The following TASOR2 variants were observed in gnomAD, a reference collection of about 807,000 sequenced individuals.
TASOR2 encodes the protein protein TASOR 2.
In TASOR2, 84 loss-of-function variants were observed where a neutral mutation model predicts 199.5. That is an observed-to-expected ratio of 0.42 (90% CI 0.35 to 0.50). The LOEUF is 0.50. Among genes scored for constraint, TASOR2 ranks in the 20% least tolerant of loss-of-function variants. TASOR2 has a pLI of 0.02. For synonymous variants in TASOR2, 1,103 were observed against 1,046.6 expected, an observed-to-expected ratio of 1.05 and a Z score of -1.04; for missense variants, 2,796 against 2,835.9, an observed-to-expected ratio of 0.99 and a Z score of 0.32.
Position 5,754,847 on chromosome 10 carries a change from T to G in TASOR2, c.6607-1766T>G, listed in dbSNP as rs1173661746. Among the ~76,000 whole-genome samples, 2 of 150,844 alleles carry G rather than the reference T, an allele frequency of 1.3e-5. No individual in the cohort carries two copies. The highest frequency in any genetic ancestry group is 2.4e-5 in the African/African-American group (1 of 41,022). On this transcript the variant is annotated intron_variant, in intron 15 of 20. Transcript: ENST00000328090. This position sits in a 1 kb window ranked among gnomAD's most constrained non-coding sequence, Gnocchi z 4.3. ...TCACAAGGTCAGGAGATTGAGACCT[T>G]CCTGGCTAACACCGTGAAACCCCAT... is the stretch of plus-strand genomic sequence containing the variant.
intron 1 of TASOR2, chr10:5,692,930 AG>A (rs1836637774): frequency 1.3e-5 from 2 of 152,168 alleles, no homozygotes; most frequent in East Asian, 3.9e-4. Flanking sequence ...TGAGTCGGGG[AG>A]GGGCCTAGGT....
At chr10:5,702,410 T>A (rs939498907) in intron 1 of TASOR2, among the ~76,000 whole-genome samples, 11 of 152,154 alleles carry the variant, frequency 7.2e-5, no homozygotes, top group African/African-American at 2.4e-4. Flanking sequence ...CCTGTAGTTT[T>A]CTCTTCATTG....
chr10:5,749,125 G>T, exon 15 of TASOR2: 1 of 1,614,060 alleles, frequency 6.2e-7, no homozygotes, highest in Non-Finnish European at 8.5e-7. Flanking sequence ...GACTGCTGCG[G>T]TAAAGAAAGA....
intron 16 of TASOR2, among the ~76,000 whole-genome samples, chr10:5,757,268 C>T (rs960046008): frequency 2.0e-5 from 3 of 152,132 alleles, no homozygotes; most frequent in South Asian, 2.1e-4. Flanking sequence ...TCCCTCATGA[C>T]GTGTTATTTC....
chr10:5,718,726 T>G (rs1031225707), intron 3 of TASOR2, among the ~76,000 whole-genome samples: 4 of 147,012 alleles, frequency 2.7e-5, no homozygotes, highest in African/African-American at 1.0e-4. Flanking sequence ...GCCACTGCAC[T>G]CCATCCTGGG....
At chr10:5,747,639 A>G (rs1837401700) in exon 15 of TASOR2, 1 of 1,613,982 alleles carries the variant, frequency 6.2e-7, no homozygotes, top group African/African-American at 1.3e-5. Context: ...CTAGTCCTGA[A>G]CCTCCAGTAC....
chr10:5,721,982 A>G (rs1221924409), intron 6 of TASOR2, among the ~76,000 whole-genome samples: 1 of 152,246 alleles, frequency 6.6e-6, no homozygotes, highest in African/African-American at 2.4e-5. Flanking sequence ...ATTAAAGGAG[A>G]CTAAAGAGAC....
In TASOR2 at chr10:5,687,100, TATGTC is replaced by T. The variant is rs1835893151; in HGVS notation, c.-288+1928_-288+1932del. 6.6e-6 allele frequency among the ~76,000 whole-genome samples: 1 copy of T among 151,800 alleles called. No individual in the cohort carries two copies. Among genetic ancestry groups the T allele is most frequent in the Admixed American group, 6.5e-5 (1 of 15,274 alleles). ...TCTTTAAAAATTTTTTATTGTGAAA[TATGTC>T]ATTAATATGTACTGACAAAGCGTAT... On this transcript the variant is annotated intron_variant, in intron 1 of 20. Transcript: ENST00000328090. This position sits in a 1 kb window ranked among gnomAD's most constrained non-coding sequence, Gnocchi z 4.8.
At chr10:5,705,452 G>A (rs1312639742) in intron 1 of TASOR2, among the ~76,000 whole-genome samples, 1 of 152,152 alleles carries the variant, frequency 6.6e-6, no homozygotes, top group Non-Finnish European at 1.5e-5. Flanking sequence ...GAACATTCAT[G>A]TGCAAGTGTT....
At chr10:5,758,913 C>T (rs764809779) in exon 18 of TASOR2, 1 of 1,613,616 alleles carries the variant, frequency 6.2e-7, no homozygotes, top group South Asian at 1.1e-5. Flanking sequence ...TATCAAAATC[C>T]TGGAAAAACT....
chr10:5,701,646 T>G lies in TASOR2; in HGVS notation c.-287-11177T>G, dbSNP rs1015376527. Among the ~76,000 whole-genome samples the G allele has an allele frequency of 6.6e-6, 1 of 152,202 alleles. No homozygotes were observed. Among genetic ancestry groups the G allele is most frequent in the African/African-American group, 2.4e-5 (1 of 41,458 alleles). ...CACTTCAATTTCTTTCATCATTGTT[T>G]TATAGTTTTTCTTGTATAGATCTTT... On this transcript the variant is annotated intron_variant, in intron 1 of 20. Transcript: ENST00000328090. The surrounding 1 kb of genome is among the most constrained non-coding windows in gnomAD (Gnocchi z 4.9).
chr10:5,741,997 C>A (rs937016429), intron 13 of TASOR2, 100 bp from the exon 15 acceptor site: 33 of 1,135,208 alleles, frequency 2.9e-5, no homozygotes, highest in Non-Finnish European at 4.1e-5. Flanking sequence ...AAAATAAAAA[C>A]AAAAACTAAG....
rs1345970397 is a variant in TASOR2, at chr10:5,739,879, T to C, written c.1709T>C (p.Leu570Pro). Residue 570 changes from leucine (L) to proline (P), a missense_variant, in exon 13 of 21, where the codon CTC becomes CCC. Transcript: ENST00000328090. ...GAATTGCCACAAAATGATGTTTTGC[T>C]CTCTAAAGAAAATTCTTTGCGAGGT... The C allele has an allele frequency of 3.1e-6, 5 of 1,614,086 alleles. No individual in the cohort carries two copies. Among genetic ancestry groups the C allele is most frequent in the Non-Finnish European group, 4.2e-6 (5 of 1,180,062 alleles).
chr10:5,730,122 G>A lies in TASOR2; in HGVS notation c.488-365G>A, dbSNP rs553130733. ...TTTAAAACAAAATAAGAAAAAGTACGAAAGCAAATCTGCCAGCTCTAAAGA... is the reference window on the plus strand; with the variant it reads ...TTTAAAACAAAATAAGAAAAAGTACAAAAGCAAATCTGCCAGCTCTAAAGA... On this transcript the variant is annotated intron_variant, in intron 10 of 20. Coordinates refer to ENST00000328090, the Ensembl canonical transcript of TASOR2. This position sits in a 1 kb window ranked among gnomAD's most constrained non-coding sequence, Gnocchi z 4.1. 8.5e-5 allele frequency among the ~76,000 whole-genome samples: 13 copies of A among 152,282 alleles called. No individual in the cohort carries two copies. The highest frequency in any genetic ancestry group is 2.6e-4 in the African/African-American group (11 of 41,564).
chr10:5,742,454 A>G lies in TASOR2; in HGVS notation c.2685A>G (p.Lys895=), dbSNP rs1273203490. 4 of 1,614,160 alleles carry G rather than the reference A, an allele frequency of 2.5e-6. No individual in the cohort carries two copies. The highest frequency in any genetic ancestry group is 3.4e-6 in the Non-Finnish European group (4 of 1,180,022). The change falls in exon 14 of 21, where the codon AAA becomes AAG. Residue 895 remains lysine (K), a synonymous_variant. Transcript: ENST00000328090. The surrounding 1 kb of genome is among the most constrained non-coding windows in gnomAD (Gnocchi z 4.2). ...AACTCTGTGTACAAAATGAACAGAA[A>G]AAAACTTTTGCAAGAGAGTGTGATC...
At chr10:5,716,279 A>G (rs774696769) in intron 2 of TASOR2, among the ~76,000 whole-genome samples, 1 of 152,180 alleles carries the variant, frequency 6.6e-6, no homozygotes, top group Non-Finnish European at 1.5e-5. Flanking sequence ...CAATTCATGG[A>G]CATACGGGTT....
At position 5,706,875 on chromosome 10, in the gene TASOR2, C is replaced by T. The variant is rs542284554; in HGVS notation, c.-287-5948C>T. Among the ~76,000 whole-genome samples, 4 of 151,964 alleles carry T rather than the reference C, an allele frequency of 2.6e-5. No individual in the cohort carries two copies. Among genetic ancestry groups the T allele is most frequent in the African/African-American group, 9.7e-5 (4 of 41,432 alleles). On this transcript the variant is annotated intron_variant, in intron 1 of 20. Coordinates refer to ENST00000328090, the Ensembl canonical transcript of TASOR2. This position sits in a 1 kb window ranked among gnomAD's most constrained non-coding sequence, Gnocchi z 4.8. ...AAAATTAGCCGGGCATGTTGCTGGG[C>T]ACTTGTAATCCCAGCTACACGGGAG... is the stretch of plus-strand genomic sequence containing the variant.
chr10:5,713,008 T>C (rs1832114852), intron 2 of TASOR2, 90 bp downstream of exon 2: 2 of 628,910 alleles, frequency 3.2e-6, no homozygotes, highest in Admixed American at 8.7e-5. Flanking sequence ...AGATTACCAA[T>C]TCATCAGTGT....
At chr10:5,739,768 C>T (rs772255877) in exon 13 of TASOR2, 1 of 1,614,142 alleles carries the variant, frequency 6.2e-7, no homozygotes, top group Non-Finnish European at 8.5e-7. Flanking sequence ...GACTCCCAGG[C>T]CCTAAATATG....
Sources: gnomAD v4.1 joint callset for allele counts (sites outside exome capture counted in the v4.1 genomes callset) on GRCh38, gnomAD v4.1.1 for gene constraint, Gnocchi (gnomAD v3.1) non-coding constraint, MANE v1.5 for transcripts, NCBI Gene and HGNC (gene_info 2026-07-23, HGNC 2026-07-21) for gene names.